The following KCNK10 variants were observed in gnomAD, a reference collection of about 807,000 sequenced individuals.
KCNK10 encodes potassium two pore domain channel subfamily K member 10.
Under a neutral mutation model 47.7 loss-of-function variants are expected in KCNK10, and 25 were observed. The observed-to-expected ratio is 0.52, with a 90% CI of 0.38 to 0.73. The LOEUF is 0.73. Among genes scored for constraint, KCNK10 ranks in the 30% least tolerant of loss-of-function variants. KCNK10 has a pLI of 0.00. For synonymous variants in KCNK10, 303 were observed against 285.6 expected, an observed-to-expected ratio of 1.06 and a Z score of -0.61; for missense variants, 563 against 714.5, an observed-to-expected ratio of 0.79 and a Z score of 2.42.
At chr14:88,205,542 CTT>C (rs200265659) in intron 4 of KCNK10, among the ~76,000 whole-genome samples, 2,366 of 115,670 alleles carry the variant, frequency 0.02, 18 homozygotes, top group East Asian at 0.044. Flanking sequence ...CTTTTCTTTT[CTT>C]TTTTTTTTTT....
chr14:88,197,476 G>A (rs1474386617), intron 4 of KCNK10, among the ~76,000 whole-genome samples: 2 of 147,864 alleles, frequency 1.4e-5, no homozygotes, highest in Admixed American at 6.8e-5. Flanking sequence ...AGGAGACTGA[G>A]GCAGGGAGAA....
chr14:88,296,833 A>C (rs1887994765), intron 1 of KCNK10, among the ~76,000 whole-genome samples: 1 of 152,226 alleles, frequency 6.6e-6, no homozygotes, highest in Admixed American at 6.5e-5. Context: ...AAATAGGACC[A>C]TTACATCGGC....
At chr14:88,257,679 C>T (rs7155199) in intron 2 of KCNK10, among the ~76,000 whole-genome samples, 98,319 of 152,104 alleles carry the variant, frequency 0.65, 32,461 homozygotes, top group African/African-American at 0.78. Context: ...CATTTCCTCG[C>T]CTGTATGTGG....
intron 4 of KCNK10, among the ~76,000 whole-genome samples, chr14:88,197,299 A>G (rs1028829172): frequency 6.6e-6 from 1 of 152,118 alleles, no homozygotes; most frequent in Non-Finnish European, 1.5e-5. Flanking sequence ...CACAAATAAT[A>G]AAAACTCAGG....
intron 4 of KCNK10, among the ~76,000 whole-genome samples, chr14:88,214,389 A>G (rs1885555471): frequency 6.6e-6 from 1 of 152,224 alleles, no homozygotes; most frequent in South Asian, 2.1e-4. Flanking sequence ...TTTAACATTA[A>G]GCAGGTTGTA....
At chr14:88,272,753 G>A (rs757265963) in intron 1 of KCNK10, among the ~76,000 whole-genome samples, 1 of 152,126 alleles carries the variant, frequency 6.6e-6, no homozygotes, top group East Asian at 1.9e-4. Flanking sequence ...CATGCAGCAA[G>A]TGAGAGATCG....
intron 4 of KCNK10, among the ~76,000 whole-genome samples, chr14:88,206,076 T>TTAATTCCCATGA (rs1332692551): frequency 6.6e-6 from 1 of 152,188 alleles, no homozygotes; most frequent in East Asian, 1.9e-4. Context: ...TAGAACTGAA[T>TTAATTCCCATGA]ATTAATGGCA....
At chr14:88,229,186 G>A (rs1265201251) in intron 3 of KCNK10, among the ~76,000 whole-genome samples, 1 of 152,172 alleles carries the variant, frequency 6.6e-6, no homozygotes, top group Non-Finnish European at 1.5e-5. Context: ...ACAAGTGGAG[G>A]CTTGGAACTG....
chr14:88,293,803 G>A (rs1202689019), intron 1 of KCNK10, among the ~76,000 whole-genome samples: 4 of 151,814 alleles, frequency 2.6e-5, no homozygotes, highest in Non-Finnish European at 5.9e-5. Flanking sequence ...AGTCTCCCAA[G>A]CAGCTGGGAC....
At chr14:88,191,340 A>AAC (rs56194944) in intron 5 of KCNK10, among the ~76,000 whole-genome samples, 5,829 of 150,028 alleles carry the variant, frequency 0.039, 162 homozygotes, top group Admixed American at 0.11. Flanking sequence ...TGGTAAAGGA[A>AAC]ACACACACAC....
At chr14:88,287,749 T>C (rs1295015314) in intron 1 of KCNK10, among the ~76,000 whole-genome samples, 2 of 151,232 alleles carry the variant, frequency 1.3e-5, no homozygotes, top group African/African-American at 4.9e-5. Context: ...ATCCACTCAT[T>C]GATTGATGGG....
chr14:88,195,055 C>A (rs1199239814), intron 4 of KCNK10, among the ~76,000 whole-genome samples: 1 of 151,070 alleles, frequency 6.6e-6, no homozygotes. Flanking sequence ...CTTAATTGAA[C>A]ATTTTAAACT....
intron 1 of KCNK10, among the ~76,000 whole-genome samples, chr14:88,317,014 T>TA (rs1358556349): frequency 3.3e-5 from 5 of 152,196 alleles, no homozygotes; most frequent in Non-Finnish European, 7.3e-5. Flanking sequence ...ACCTGCTCAG[T>TA]CTTAATTCAA....
intron 4 of KCNK10, among the ~76,000 whole-genome samples, chr14:88,220,709 CTT>C (rs1333465590): frequency 6.6e-6 from 1 of 151,250 alleles, no homozygotes; most frequent in African/African-American, 2.4e-5. Flanking sequence ...CAAAAATCAA[CTT>C]AAAAGTGATC....
chr14:88,267,143 T>C (rs1484962067), intron 1 of KCNK10, among the ~76,000 whole-genome samples: 1 of 152,212 alleles, frequency 6.6e-6, no homozygotes, highest in Non-Finnish European at 1.5e-5. Flanking sequence ...TCTTTTTTTC[T>C]AAACGTCCAC....
At chr14:88,323,435 G>A (rs1888596659), upstream of KCNK10, among the ~76,000 whole-genome samples, 1 of 145,154 alleles carries the variant, frequency 6.9e-6, no homozygotes, top group Non-Finnish European at 1.5e-5. Flanking sequence ...CCCTCCCCGC[G>A]GCGCGCCCCA....
intron 1 of KCNK10, among the ~76,000 whole-genome samples, chr14:88,273,761 T>C (rs895867058): frequency 6.6e-6 from 1 of 152,228 alleles, no homozygotes; most frequent in East Asian, 1.9e-4. Context: ...CTGGGGTTCC[T>C]TGTGTCTTTT....
At chr14:88,311,231 C>T (rs1162194654) in intron 1 of KCNK10, among the ~76,000 whole-genome samples, 3 of 152,186 alleles carry the variant, frequency 2.0e-5, no homozygotes, top group South Asian at 2.1e-4. Context: ...TGCAAACATT[C>T]GCTGAACCCA....
At chr14:88,230,918 C>A (rs991399278) in intron 3 of KCNK10, among the ~76,000 whole-genome samples, 2 of 152,174 alleles carry the variant, frequency 1.3e-5, no homozygotes, top group Non-Finnish European at 2.9e-5. Context: ...GCACAATGCA[C>A]GTTAACTAGT....
Sources: allele counts gnomAD v4.1 joint callset (sites outside exome capture counted in the v4.1 genomes callset), GRCh38; gene constraint gnomAD v4.1.1; transcripts MANE v1.5; gene names NCBI Gene and HGNC (gene_info 2026-07-23, HGNC 2026-07-21).